Variants in DDX6 observed in about 807,000 individuals in gnomAD.
DDX6 encodes DEAD-box helicase 6.
DDX6 carries 7 observed loss-of-function variants against 60.6 expected under a neutral mutation model. The ratio of observed to expected loss-of-function variants is 0.12; its 90% CI spans 0.07 to 0.22. DDX6 has a LOEUF of 0.22. Ranked by LOEUF, DDX6 falls within the 10% of genes least tolerant of loss-of-function variation. The pLI is 1.00. For synonymous variants in DDX6, 207 were observed against 201.0 expected (o/e 1.03, Z -0.25); for missense variants, 270 against 589.9 (o/e 0.46, Z 5.62).
At chr11:118,768,660 C>T (rs1210109834) in intron 4 of DDX6, among the ~76,000 whole-genome samples, 1 of 152,018 alleles carries the variant, frequency 6.6e-6, no homozygotes. Context: ...CAGGCTGACC[C>T]ATAAATAGCA....
At chr11:118,753,840 C>T (rs775179316) in intron 13 of DDX6, among the ~76,000 whole-genome samples, 20 of 151,898 alleles carry the variant, frequency 1.3e-4, no homozygotes, top group African/African-American at 4.6e-4. Context: ...ACCTGTAATC[C>T]CAGCCTCCCT....
intron 2 of DDX6, among the ~76,000 whole-genome samples, chr11:118,783,019 T>C (rs920640577): frequency 2.6e-5 from 4 of 152,014 alleles, no homozygotes; most frequent in Admixed American, 6.6e-5. Flanking sequence ...TGAATAATAA[T>C]GCGTAAGATA....
At chr11:118,757,314 G>A (rs1217460053) in intron 9 of DDX6, 27 bp from the exon 10 acceptor site, 2 of 1,297,198 alleles carry the variant, frequency 1.5e-6, no homozygotes, top group South Asian at 1.6e-5. Context: ...ATAAGTATGA[G>A]AAAAATAAAA....
chr11:118,764,656 T>C (rs11217018), intron 6 of DDX6, among the ~76,000 whole-genome samples: 34,024 of 151,716 alleles, frequency 0.22, 3,943 homozygotes, highest in South Asian at 0.32. Context: ...CACAAAAATT[T>C]AGCCTGGCGT....
rs1555156628 is a variant in DDX6, at chr11:118,749,356, A to AAG, written c.*2747_*2748dup. The AAG allele has an allele frequency of 9.4e-6, 1 of 106,252 alleles. No homozygotes were observed. The highest frequency in any genetic ancestry group is 3.4e-5 in the African/African-American group (1 of 29,182). 6.6% of individuals were successfully genotyped at this position (106,252 alleles called of 1,614,324 possible). ...GCTTATTATGAGGGCCCAAAAAAGA[A>AAG]AGAAAAAAAAAAAAAAAAAAAAAAA... On this transcript the variant is annotated 3_prime_UTR_variant, in exon 14 of 14. Coordinates refer to ENST00000534980, the MANE Select transcript of DDX6 (RefSeq NM_004397.6).
At chr11:118,776,516 G>C (rs963831817) in intron 4 of DDX6, among the ~76,000 whole-genome samples, 4 of 152,144 alleles carry the variant, frequency 2.6e-5, no homozygotes, top group Non-Finnish European at 5.9e-5. Context: ...GAATGATGCA[G>C]TTCCTACTGT....
intron 4 of DDX6, 53 bp downstream of exon 4, chr11:118,779,579 T>C (rs1861820021): frequency 8.3e-7 from 1 of 1,203,434 alleles, no homozygotes; most frequent in Non-Finnish European, 1.2e-6. Flanking sequence ...AAAAGAAAAC[T>C]GTTTAATGGT....
intron 1 of DDX6, chr11:118,790,119 G>A (rs1369087539): frequency 6.6e-6 from 1 of 152,172 alleles, no homozygotes; most frequent in Admixed American, 6.5e-5. Context: ...CCTGCAAGTT[G>A]GAGTGACTGG....
chr11:118,773,813 A>C (rs1861612695), intron 4 of DDX6, among the ~76,000 whole-genome samples: 2 of 151,470 alleles, frequency 1.3e-5, no homozygotes, highest in African/African-American at 2.4e-5. Flanking sequence ...ACAAACTGAG[A>C]CTCTGTCTCC....
intron 2 of DDX6, among the ~76,000 whole-genome samples, chr11:118,782,161 G>A (rs1353942797): frequency 6.6e-6 from 1 of 152,148 alleles, no homozygotes; most frequent in Non-Finnish European, 1.5e-5. Flanking sequence ...CTGCGCCAGA[G>A]CAAGGCTCCG....
At chr11:118,781,316 ATAAT>A (rs1861892250) in intron 2 of DDX6, 132 bp from the exon 3 acceptor site, 7 of 590,890 alleles carry the variant, frequency 1.2e-5, no homozygotes, top group South Asian at 4.6e-5. Context: ...ATCTAACAAG[ATAAT>A]TAAACAACTT....
rs1555161686 is a variant in DDX6 at position 118,768,302 on chromosome 11, T to C, written c.420A>G (p.Ala140=). ...CACCGCTCTTGCCTGTTCCATTTTTTGCTCTAGCTAAGATATCCCTACCAG... is the reference window on the plus strand; with the variant it reads ...CACCGCTCTTGCCTGTTCCATTTTTCGCTCTAGCTAAGATATCCCTACCAG... The part of the protein sequence containing the change: ...ALSGRDILAR[A]KNGTGKSGAY... The change falls in exon 5 of 14, where the codon GCA becomes GCG. Residue 140 remains alanine, a synonymous_variant. Coordinates refer to ENST00000534980, the MANE Select transcript of DDX6 (RefSeq NM_004397.6). The C allele has an allele frequency of 3.1e-6, 5 of 1,613,364 alleles. No individual in the cohort carries two copies. In the Admixed American group the frequency reaches 8.3e-5, roughly 27 times the overall value.
chr11:118,778,225 ATT>A (rs1169387674), intron 4 of DDX6, among the ~76,000 whole-genome samples: 1 of 152,036 alleles, frequency 6.6e-6, no homozygotes, highest in Admixed American at 6.6e-5. Context: ...TAGGGGGGAA[ATT>A]TTGTTATTTT....
chr11:118,750,763 A>ATC lies in DDX6; in HGVS notation c.*1340_*1341dup, dbSNP rs1555157028. The ATC allele has an allele frequency of 6.6e-6, 1 of 152,156 alleles. No homozygotes were observed. The highest frequency in any genetic ancestry group is 1.5e-5 in the Non-Finnish European group (1 of 68,032). The allele number at this position is 152,156 out of a possible 1,614,324, so 9.4% of individuals were successfully genotyped here. On this transcript the variant is annotated 3_prime_UTR_variant, in exon 14 of 14. Transcript: ENST00000534980. ...CTTTTAGAAAGGGGGAAGAAGCAAA[A>ATC]TCAGAGCTTCTCAAAATAAATGTTG... is the stretch of plus-strand genomic sequence containing the variant.
chr11:118,765,824 C>T (rs1229159234), intron 5 of DDX6, among the ~76,000 whole-genome samples: 8 of 151,226 alleles, frequency 5.3e-5, no homozygotes, highest in African/African-American at 1.7e-4. Context: ...CTCACACCTA[C>T]CTATAAGCCC....
intron 5 of DDX6, among the ~76,000 whole-genome samples, chr11:118,766,058 C>T (rs942474469): frequency 2.0e-5 from 3 of 148,080 alleles, no homozygotes; most frequent in Admixed American, 6.6e-5. Flanking sequence ...GCAACAAGAG[C>T]GAAACTCCGT....
chr11:118,790,542 CT>C (rs1370291783), intron 1 of DDX6, among the ~76,000 whole-genome samples: 3 of 152,132 alleles, frequency 2.0e-5, no homozygotes, highest in Non-Finnish European at 2.9e-5. Context: ...CTGCCGCCCC[CT>C]ATAGGGCCGC....
Position 118,767,245 on chromosome 11 carries a change from G to A in DDX6, c.499+978C>T, listed in dbSNP as rs58399023. On this transcript the variant is annotated intron_variant, in intron 5 of 13. Coordinates refer to ENST00000534980, the MANE Select transcript of DDX6 (RefSeq NM_004397.6). ...TTGAGTTCGCAACTATTAGCTCAAA[G>A]TTTATTAACAATATTTCTAAAAGCC... 9.3e-3 allele frequency among the ~76,000 whole-genome samples: 1,423 copies of A among 152,262 alleles called. 28 individuals are homozygous for A. Among genetic ancestry groups the A allele is most frequent in the African/African-American group, 0.033 (1,364 of 41,530 alleles).
intron 4 of DDX6, among the ~76,000 whole-genome samples, chr11:118,769,462 T>G (rs1555161966): frequency 6.6e-6 from 1 of 152,138 alleles, no homozygotes; most frequent in African/African-American, 2.4e-5. Flanking sequence ...GTTATCTATT[T>G]TGCAAATAAT....
Sources: gnomAD v4.1 joint callset for allele counts (sites outside exome capture counted in the v4.1 genomes callset) on GRCh38, gnomAD v4.1.1 for gene constraint, MANE v1.5 for transcripts, NCBI Gene and HGNC (gene_info 2026-07-23, HGNC 2026-07-21) for gene names.